Variants in MEF2A observed in about 807,000 individuals in gnomAD.
MEF2A encodes myocyte-specific enhancer factor 2A.
Under a neutral mutation model 55.8 loss-of-function variants are expected in MEF2A, and 28 were observed. The ratio of observed to expected loss-of-function variants is 0.50; its 90% confidence interval spans 0.37 to 0.69. The LOEUF (loss-of-function observed/expected upper bound fraction) is 0.69, where lower values mean the gene tolerates loss of function less well. MEF2A is among the 30% of genes least tolerant of loss of function. MEF2A has a pLI of 0.00. For synonymous variants in MEF2A, 239 were observed against 227.1 expected (o/e 1.05, Z -0.47); for missense variants, 528 against 626.2 (o/e 0.84, Z 1.67).
At chr15:99,581,778 T>G (rs1284402919) in intron 1 of MEF2A, among the ~76,000 whole-genome samples, 1 of 152,110 alleles carries the variant, frequency 6.6e-6, no homozygotes, top group Non-Finnish European at 1.5e-5. Flanking sequence ...CACATGATAA[T>G]GGATTAGGGA....
intron 3 of MEF2A, among the ~76,000 whole-genome samples, chr15:99,636,167 T>C (rs890711493): frequency 6.6e-6 from 1 of 152,188 alleles, no homozygotes; most frequent in African/African-American, 2.4e-5. Context: ...CATATTTTTA[T>C]TGGCCATTTA....
intron 3 of MEF2A, among the ~76,000 whole-genome samples, chr15:99,644,772 T>C (rs1475679906): frequency 6.6e-6 from 1 of 152,198 alleles, no homozygotes; most frequent in East Asian, 1.9e-4. Context: ...TTCCCTTGCA[T>C]TCCTTTCCCA....
At chr15:99,615,365 A>G (rs1385346147) in intron 2 of MEF2A, among the ~76,000 whole-genome samples, 1 of 152,088 alleles carries the variant, frequency 6.6e-6, no homozygotes, top group African/African-American at 2.4e-5. Context: ...TATACTCATT[A>G]TTTTACAGTT....
At chr15:99,664,368 T>C (rs1269839835) in intron 4 of MEF2A, among the ~76,000 whole-genome samples, 1 of 152,152 alleles carries the variant, frequency 6.6e-6, no homozygotes, top group East Asian at 1.9e-4. Flanking sequence ...ACCAGGAACT[T>C]CATATTAAGG....
intron 1 of MEF2A, among the ~76,000 whole-genome samples, chr15:99,579,893 A>G (rs1965420918): frequency 6.6e-6 from 1 of 151,488 alleles, no homozygotes; most frequent in African/African-American, 2.4e-5. Context: ...TTTTCCTTTT[A>G]CCTTACAGTT....
chr15:99,609,548 A>G (rs1489237266), intron 2 of MEF2A, among the ~76,000 whole-genome samples: 1 of 152,224 alleles, frequency 6.6e-6, no homozygotes, highest in Non-Finnish European at 1.5e-5. Context: ...TTTTAAAAAC[A>G]TATGATAATA....
At chr15:99,687,222 G>A in intron 7 of MEF2A, among the ~76,000 whole-genome samples, 1 of 147,114 alleles carries the variant, frequency 6.8e-6, no homozygotes, top group Middle Eastern at 3.4e-3. Context: ...TACCACATCT[G>A]ACCCAGAGGC....
chr15:99,672,506 G>A (rs562884084), intron 5 of MEF2A, among the ~76,000 whole-genome samples: 1 of 152,306 alleles, frequency 6.6e-6, no homozygotes, highest in South Asian at 2.1e-4. Flanking sequence ...TTCTGTATAT[G>A]TAGGTCAGCC....
At chr15:99,636,987 G>A (rs2043984532) in intron 3 of MEF2A, among the ~76,000 whole-genome samples, 1 of 152,070 alleles carries the variant, frequency 6.6e-6, no homozygotes, top group Non-Finnish European at 1.5e-5. Flanking sequence ...ATCATGAGTC[G>A]AGTAACCATA....
chr15:99,635,298 T>A (rs2043595556), intron 3 of MEF2A, among the ~76,000 whole-genome samples: 1 of 152,146 alleles, frequency 6.6e-6, no homozygotes, highest in South Asian at 2.1e-4. Context: ...AAGATAAAAA[T>A]CACACTTCAT....
chr15:99,568,274 TA>T (rs1456497170), intron 1 of MEF2A, among the ~76,000 whole-genome samples: 2 of 152,236 alleles, frequency 1.3e-5, no homozygotes, highest in Admixed American at 6.5e-5. Context: ...GGTTTGAGAA[TA>T]ATTTCCTTCT....
chr15:99,697,572 G>T (rs1212968357), intron 8 of MEF2A, among the ~76,000 whole-genome samples: 1 of 149,066 alleles, frequency 6.7e-6, no homozygotes, highest in African/African-American at 2.6e-5. Flanking sequence ...ACTGATGAAA[G>T]AAATGAAAGA....
At chr15:99,647,827 A>G (rs558115882) in intron 4 of MEF2A, among the ~76,000 whole-genome samples, 1 of 152,280 alleles carries the variant, frequency 6.6e-6, no homozygotes, top group African/African-American at 2.4e-5. Flanking sequence ...ACATTAGATT[A>G]TTAGGGATTA....
intron 1 of MEF2A, among the ~76,000 whole-genome samples, chr15:99,586,143 A>C (rs568138510): frequency 6.6e-6 from 1 of 152,286 alleles, no homozygotes; most frequent in African/African-American, 2.4e-5. Flanking sequence ...ATTTGAGTAC[A>C]TGCCTTTGTA....
chr15:99,608,032 C>G (rs2153163862), intron 2 of MEF2A, among the ~76,000 whole-genome samples: 1 of 152,174 alleles, frequency 6.6e-6, no homozygotes, highest in South Asian at 2.1e-4. Flanking sequence ...AATTATAATT[C>G]ATTGATACAT....
At chr15:99,710,064 G>C (rs1219347919) in intron 10 of MEF2A, among the ~76,000 whole-genome samples, 3 of 152,120 alleles carry the variant, frequency 2.0e-5, no homozygotes, top group African/African-American at 2.4e-5. Flanking sequence ...GTAGTGGCAG[G>C]CATATTTAAA....
rs73480490 is a variant in MEF2A, at chr15:99,641,852, A to G, written c.55-3709A>G. On this transcript the variant is annotated intron_variant, in intron 3 of 11. Coordinates refer to ENST00000557942, the MANE Select transcript of MEF2A (RefSeq NM_001319206.4). The stretch of plus-strand genomic sequence containing the variant: ...CTCACTTTTTCTTCATTATTCCTTT[A>G]CAGATTTATTCAACAAATTTGTTTA... 6.3e-3 allele frequency among the ~76,000 whole-genome samples: 961 copies of G among 152,118 alleles called. 10 individuals are homozygous for G. The highest frequency in any genetic ancestry group is 0.022 in the African/African-American group (898 of 41,490).
chr15:99,573,398 A>G (rs566984816), intron 1 of MEF2A, among the ~76,000 whole-genome samples: 4 of 152,274 alleles, frequency 2.6e-5, no homozygotes, highest in African/African-American at 9.6e-5. Flanking sequence ...CCAAATTATA[A>G]TCTTACTTTA....
chr15:99,582,913 A>G (rs756836611), intron 1 of MEF2A, among the ~76,000 whole-genome samples: 3 of 152,146 alleles, frequency 2.0e-5, no homozygotes, highest in Admixed American at 6.5e-5. Flanking sequence ...GTAATGTGCA[A>G]TTCTTAGGGC....
Sources: allele counts gnomAD v4.1 joint callset (sites outside exome capture counted in the v4.1 genomes callset), GRCh38; gene constraint gnomAD v4.1.1; transcripts MANE v1.5; gene names NCBI Gene and HGNC (gene_info 2026-07-23, HGNC 2026-07-21).